The following SLC6A20 variants were observed in gnomAD, a reference collection of about 807,000 sequenced individuals.
SLC6A20 encodes solute carrier family 6 member 20, also known as sodium- and chloride-dependent transporter XTRP3.
Under a neutral mutation model 64.3 loss-of-function variants are expected in SLC6A20, and 73 were observed. The ratio of observed to expected loss-of-function variants is 1.14; its 90% confidence interval spans 0.94 to 1.38. The LOEUF is 1.38. Ranked by LOEUF, SLC6A20 falls within the 40% of genes most tolerant of loss-of-function variation. SLC6A20 has a pLI of 0.00. For synonymous variants in SLC6A20, 347 were observed against 329.6 expected (o/e 1.05, Z -0.57); for missense variants, 725 against 772.8 (o/e 0.94, Z 0.73).
intron 10 of SLC6A20, among the ~76,000 whole-genome samples, 162 bp from the exon 11 acceptor site, chr3:45,759,289 G>A (rs1173571722): frequency 6.6e-6 from 1 of 152,238 alleles, no homozygotes; most frequent in African/African-American, 2.4e-5. Context: ...ACTAGCAAAT[G>A]TGCCAGGAGC....
chr3:45,772,347 G>A (rs1031106565), intron 5 of SLC6A20, 158 bp downstream of exon 5: 16 of 582,848 alleles, frequency 2.7e-5, no homozygotes, highest in Non-Finnish European at 1.5e-5. Flanking sequence ...TCCAGTGACT[G>A]CAGGTACTCC....
In SLC6A20 at chr3:45,759,097, A is replaced by C; in HGVS notation, c.1660T>G (p.Tyr554Asp). The C allele has an allele frequency of 1.2e-6, 2 of 1,612,002 alleles. No homozygotes were observed. Among genetic ancestry groups the C allele is most frequent in the Non-Finnish European group, 8.5e-7 (1 of 1,179,424 alleles). Residue 554 changes from tyrosine (Y) to aspartate (D), a missense_variant, in exon 11 of 11, where the codon TAT becomes GAT. By Grantham distance (160) the Tyr-to-Asp change is radical. Coordinates refer to ENST00000358525, the MANE Select transcript of SLC6A20 (RefSeq NM_020208.4). ...GQLVTKDYPA[Y>D]ALAVIGLLVA... Reference sequence around the variant, plus strand: ...AGCAGCCCGATGACAGCCAGTGCATAGGCCGGGTAATCTTTGGTCACGAGC... The same window carrying C: ...AGCAGCCCGATGACAGCCAGTGCATCGGCCGGGTAATCTTTGGTCACGAGC...
Position 45,772,312 on chromosome 3 carries a change from G to T in SLC6A20, c.693+193C>A, listed in dbSNP as rs1480984667. 3 of 538,392 alleles carry T rather than the reference G, an allele frequency of 5.6e-6. No individual in the cohort carries two copies. The East Asian group carries it at 9.9e-5, about 18-fold the overall frequency. 33.4% of individuals were successfully genotyped at this position (538,392 alleles called of 1,614,324 possible). ...TAATGCTCCAGAATTAACAGGGAGT[G>T]GGGATGACCTGGCTGAGGAGGTGAT... On this transcript the variant is annotated intron_variant, in intron 5 of 10. Transcript: ENST00000358525.
intron 10 of SLC6A20, 94 bp downstream of exon 10, chr3:45,759,763 C>T (rs1699630888): frequency 7.0e-7 from 1 of 1,436,332 alleles, no homozygotes; most frequent in Admixed American, 2.2e-5. Context: ...CTACCCACAC[C>T]ATGGAAATAG....
chr3:45,772,266 G>C, intron 5 of SLC6A20: 1 of 470,486 alleles, frequency 2.1e-6, no homozygotes, highest in Non-Finnish European at 3.8e-6. Flanking sequence ...AGGATGAAGA[G>C]GAGAAGCTGA....
At chr3:45,764,271 T>C (rs1453061011) in intron 8 of SLC6A20, among the ~76,000 whole-genome samples, 1 of 152,214 alleles carries the variant, frequency 6.6e-6, no homozygotes, top group Non-Finnish European at 1.5e-5. Flanking sequence ...TATGTCACCT[T>C]ACAATGGATT....
chr3:45,765,571 G>T lies in SLC6A20; in HGVS notation c.1269C>A (p.Ile423=), dbSNP rs886134128. Residue 423 remains isoleucine, a synonymous_variant, in exon 8 of 11, where the codon ATC becomes ATA. Transcript: ENST00000358525. This position sits in a 1 kb window ranked among gnomAD's most constrained non-coding sequence, Gnocchi z 4.2. ...CCTCCTTGGGCAGGTGGCTGGAGAT[G>T]ATCTTGCTGTCTGTCAGAGGGGTGA... is the stretch of plus-strand genomic sequence containing the variant. ...AILTPLTDSK[I]ISSHLPKEAI... 6.2e-7 allele frequency: 1 copy of T among 1,613,892 alleles called. No individual in the cohort carries two copies. Among genetic ancestry groups the T allele is most frequent in the Non-Finnish European group, 8.5e-7 (1 of 1,179,986 alleles).
At chr3:45,766,242 T>C (rs1336515136) in intron 7 of SLC6A20, among the ~76,000 whole-genome samples, 1 of 152,052 alleles carries the variant, frequency 6.6e-6, no homozygotes, top group Non-Finnish European at 1.5e-5. Flanking sequence ...ACTATGGAAA[T>C]TGAGGCTGGA....
At position 45,776,293 on chromosome 3, in the gene SLC6A20, G is replaced by A. The variant is rs576909911; in HGVS notation, c.355-305C>T. Among the ~76,000 whole-genome samples, 8 of 152,278 alleles carry A rather than the reference G, an allele frequency of 5.3e-5. No homozygotes were observed. The South Asian group carries it at 1.7e-3, about 32-fold the overall frequency. ...CTGAATAGCAAATGGACCACAGCCA[G>A]GCCAGCCCTGATGATGGAACTCCGA... is the stretch of plus-strand genomic sequence containing the variant. On this transcript the variant is annotated intron_variant, in intron 3 of 10. Coordinates refer to ENST00000358525, the MANE Select transcript of SLC6A20 (RefSeq NM_020208.4).
chr3:45,792,814 T>TCAAGGAACAGCAA (rs1449044708), intron 1 of SLC6A20, among the ~76,000 whole-genome samples: 1 of 152,194 alleles, frequency 6.6e-6, no homozygotes, highest in African/African-American at 2.4e-5. Flanking sequence ...TGCAAATTCT[T>TCAAGGAACAGCAA]GGAATTGGGT....
intron 9 of SLC6A20, 91 bp downstream of exon 9, chr3:45,762,822 A>G (rs1559561756): frequency 1.3e-6 from 2 of 1,508,866 alleles, no homozygotes; most frequent in Admixed American, 1.8e-5. Flanking sequence ...AGAGGTGAAG[A>G]TGTGCATCAA....
chr3:45,784,009 A>G lies in SLC6A20; in HGVS notation c.122-1786T>C, dbSNP rs1270626281. Among the ~76,000 whole-genome samples the G allele has an allele frequency of 7.9e-5, 12 of 152,272 alleles. 1 individual carries two copies. Among genetic ancestry groups the G allele is most frequent in the Admixed American group, 7.2e-4 (11 of 15,288 alleles). ...ACTTTGAAGCCACATTCAAACCCTC[A>G]GTGGTTATAAGATAATCCTGTTTTT... On this transcript the variant is annotated intron_variant, in intron 1 of 10. Coordinates refer to ENST00000358525, the MANE Select transcript of SLC6A20 (RefSeq NM_020208.4).
At chr3:45,791,292 T>A (rs1329546660) in intron 1 of SLC6A20, among the ~76,000 whole-genome samples, 1 of 152,228 alleles carries the variant, frequency 6.6e-6, no homozygotes, top group East Asian at 1.9e-4. Context: ...ATTCTCAACC[T>A]GGGTTGCACA....
At chr3:45,762,076 C>T (rs1459439442) in intron 9 of SLC6A20, among the ~76,000 whole-genome samples, 1 of 152,216 alleles carries the variant, frequency 6.6e-6, no homozygotes, top group Non-Finnish European at 1.5e-5. Flanking sequence ...AGCAGCGCTG[C>T]CCAAACTGTG....
At chr3:45,760,182 C>T (rs375738866) in intron 9 of SLC6A20, among the ~76,000 whole-genome samples, 160 bp from the exon 10 acceptor site, 2 of 152,290 alleles carry the variant, frequency 1.3e-5, no homozygotes, top group Admixed American at 6.5e-5. Flanking sequence ...TCTTGAGAGA[C>T]GAGTGCTGCG....
intron 8 of SLC6A20, among the ~76,000 whole-genome samples, chr3:45,763,409 A>G (rs779862726): frequency 2.6e-5 from 4 of 152,172 alleles, no homozygotes; most frequent in African/African-American, 9.7e-5. Flanking sequence ...TGGGTCTACA[A>G]TTATAACCCC....
At chr3:45,785,372 G>T (rs1449305624) in intron 1 of SLC6A20, among the ~76,000 whole-genome samples, 1 of 152,318 alleles carries the variant, frequency 6.6e-6, no homozygotes, top group East Asian at 1.9e-4. Context: ...CCTTAATCTG[G>T]TGGACCCAAT....
At chr3:45,766,113 G>T (rs964255322) in intron 7 of SLC6A20, among the ~76,000 whole-genome samples, 1 of 152,218 alleles carries the variant, frequency 6.6e-6, no homozygotes, top group Non-Finnish European at 1.5e-5. Context: ...GAGGGAGGGC[G>T]GGGCCAGGGC....
At chr3:45,769,274 T>G (rs1414799403) in intron 7 of SLC6A20, among the ~76,000 whole-genome samples, 1 of 152,166 alleles carries the variant, frequency 6.6e-6, no homozygotes, top group Non-Finnish European at 1.5e-5. Flanking sequence ...CTGAGTCAAA[T>G]ATCACAATTC....
Sources: allele counts gnomAD v4.1 joint callset (sites outside exome capture counted in the v4.1 genomes callset), GRCh38; gene constraint gnomAD v4.1.1; non-coding constraint Gnocchi (gnomAD v3.1); transcripts MANE v1.5; gene names NCBI Gene and HGNC (gene_info 2026-07-23, HGNC 2026-07-21).